Variants in ANO3 observed in about 807,000 individuals in gnomAD.
The protein encoded by ANO3 is anoctamin-3.
A neutral mutation model predicts 144.8 loss-of-function variants in ANO3; 99 were observed. The observed-to-expected ratio is 0.68, with a 90% CI of 0.58 to 0.81. ANO3 has a LOEUF of 0.81. Ranked by LOEUF, ANO3 falls within the 30% of genes least tolerant of loss-of-function variation. The pLI is 0.00. For missense variants in ANO3, 905 were observed against 1,202.2 expected, an observed-to-expected ratio of 0.75 and a Z score of 3.66; for synonymous variants, 414 against 392.6, an observed-to-expected ratio of 1.05 and a Z score of -0.64.
At chr11:26,576,441 G>T (rs868320280) in intron 14 of ANO3, among the ~76,000 whole-genome samples, 1 of 151,918 alleles carries the variant, frequency 6.6e-6, no homozygotes, top group African/African-American at 2.4e-5. Flanking sequence ...ATGTTGAGAG[G>T]AATCTAACTA....
chr11:26,559,597 C>A, intron 13 of ANO3, 122 bp from the exon 14 acceptor site: 1 of 703,058 alleles, frequency 1.4e-6, no homozygotes, highest in Non-Finnish European at 2.5e-6. Context: ...TATAATATTT[C>A]TGTACTATAA....
intron 1 of ANO3, among the ~76,000 whole-genome samples, chr11:26,437,256 CA>C (rs1265609633): frequency 6.6e-6 from 1 of 152,216 alleles, no homozygotes; most frequent in Non-Finnish European, 1.5e-5. Flanking sequence ...GCCTGGGCAT[CA>C]AAAGTTCCTG....
At chr11:26,357,034 T>G (rs1855801894) in intron 1 of ANO3, among the ~76,000 whole-genome samples, 1 of 152,218 alleles carries the variant, frequency 6.6e-6, no homozygotes, top group Non-Finnish European at 1.5e-5. Context: ...CCTTTTGCTA[T>G]ATAAGGTTAA....
intron 18 of ANO3, among the ~76,000 whole-genome samples, chr11:26,624,978 G>A (rs1031245622): frequency 6.6e-6 from 1 of 151,680 alleles, no homozygotes; most frequent in African/African-American, 2.4e-5. Context: ...GTGGAGTGCG[G>A]TGGTGACGCG....
intron 1 of ANO3, among the ~76,000 whole-genome samples, chr11:26,423,192 T>C (rs762648325): frequency 6.6e-6 from 1 of 151,704 alleles, no homozygotes; most frequent in Non-Finnish European, 1.5e-5. Context: ...AATAGAAACA[T>C]AGAAGAAGGA....
At chr11:26,536,318 CAAA>C (rs776107828) in intron 9 of ANO3, among the ~76,000 whole-genome samples, 1 of 92,876 alleles carries the variant, frequency 1.1e-5, no homozygotes, top group Non-Finnish European at 2.2e-5. Context: ...GACTCTGTCT[CAAA>C]AAAAAAAAAA....
intron 14 of ANO3, among the ~76,000 whole-genome samples, chr11:26,591,627 C>T (rs1352286327): frequency 6.6e-6 from 1 of 152,052 alleles, no homozygotes; most frequent in East Asian, 1.9e-4. Flanking sequence ...CATAGAACCT[C>T]TTGGTAAGAG....
chr11:26,326,984 G>A (rs528359731), intron 1 of ANO3, among the ~76,000 whole-genome samples: 1 of 152,330 alleles, frequency 6.6e-6, no homozygotes, highest in Admixed American at 6.5e-5. Flanking sequence ...AGTACAGCAA[G>A]ATGAGTCTTT....
At position 26,490,259 on chromosome 11, in the gene ANO3, C is replaced by G. The variant is rs12290812; in HGVS notation, c.433-17845C>G. On this transcript the variant is annotated intron_variant, in intron 4 of 26. Coordinates refer to ENST00000256737, the MANE Select transcript of ANO3 (RefSeq NM_031418.4). ...TTGTTTTTCTGTTGCTACTGCCATG[C>G]CTTTTGCCTCCTGCCATGATTCTGA... Among the ~76,000 whole-genome samples, 705 of 152,240 alleles carry G rather than the reference C, an allele frequency of 4.6e-3. 3 individuals carry two copies. Among genetic ancestry groups the G allele is most frequent in the African/African-American group, 0.016 (665 of 41,556 alleles).
intron 1 of ANO3, 149 bp from the exon 2 acceptor site, chr11:26,441,769 A>G (rs1231554931): frequency 6.2e-5 from 35 of 563,958 alleles, no homozygotes; most frequent in Non-Finnish European, 7.6e-5. Context: ...TTGACAAAAC[A>G]TAAACAAGAC....
intron 1 of ANO3, among the ~76,000 whole-genome samples, chr11:26,387,736 A>C (rs1386969821): frequency 6.6e-6 from 1 of 151,842 alleles, no homozygotes; most frequent in Admixed American, 6.6e-5. Context: ...ATTTTGGTGG[A>C]TGTGATCTGT....
At chr11:26,203,691 G>C (rs1851741162) in intron 1 of ANO3, among the ~76,000 whole-genome samples, 1 of 152,088 alleles carries the variant, frequency 6.6e-6, no homozygotes, top group South Asian at 2.1e-4. Context: ...TCATTCACAT[G>C]TGAGTTTTAT....
chr11:26,403,894 A>G (rs896646248), intron 1 of ANO3, among the ~76,000 whole-genome samples: 5 of 151,864 alleles, frequency 3.3e-5, no homozygotes, highest in South Asian at 2.1e-4. Context: ...CATTTCCCAG[A>G]TATTTGTGTG....
Position 26,273,671 on chromosome 11 carries a change from C to T in ANO3, c.155-35974C>T, listed in dbSNP as rs192579191. ...ACACACACACACACACACACACACACACAAATTCTGTCGGGGGAAGGTAAA... is the reference window on the plus strand; with the variant it reads ...ACACACACACACACACACACACACATACAAATTCTGTCGGGGGAAGGTAAA... On this transcript the variant is annotated intron_variant, in intron 1 of 27. Transcript: ENST00000672621. 4.0e-3 allele frequency among the ~76,000 whole-genome samples: 580 copies of T among 144,548 alleles called. 2 individuals are homozygous for T. Among genetic ancestry groups the T allele is most frequent in the African/African-American group, 0.014 (549 of 39,314 alleles). The allele number at this position is 144,548 out of a possible 152,430, so 94.8% of individuals were successfully genotyped here.
intron 1 of ANO3, among the ~76,000 whole-genome samples, chr11:26,354,845 T>G (rs1855737493): frequency 6.6e-6 from 1 of 152,098 alleles, no homozygotes; most frequent in African/African-American, 2.4e-5. Flanking sequence ...TCAGGTGGTA[T>G]CCTAAGATTG....
At chr11:26,424,655 G>A (rs1435305769) in intron 1 of ANO3, among the ~76,000 whole-genome samples, 2 of 152,162 alleles carry the variant, frequency 1.3e-5, no homozygotes, top group Non-Finnish European at 1.5e-5. Flanking sequence ...GAAATAGAAA[G>A]CTGATCACTT....
chr11:26,267,202 A>ACC (rs1489040968), intron 1 of ANO3, among the ~76,000 whole-genome samples: 3 of 151,508 alleles, frequency 2.0e-5, no homozygotes, highest in East Asian at 1.9e-4. Flanking sequence ...ACACACACAC[A>ACC]CCCCCAAAAT....
chr11:26,377,813 A>T (rs1329605933), intron 1 of ANO3, among the ~76,000 whole-genome samples: 1 of 152,174 alleles, frequency 6.6e-6, no homozygotes, highest in African/African-American at 2.4e-5. Context: ...AACAGTAATT[A>T]GACAGCTGAC....
intron 1 of ANO3, among the ~76,000 whole-genome samples, chr11:26,264,709 C>T (rs567194376): frequency 1.3e-5 from 2 of 152,116 alleles, no homozygotes; most frequent in Non-Finnish European, 2.9e-5. Flanking sequence ...TGAGGCCTTT[C>T]TCTTTAGCTT....
Sources: allele counts gnomAD v4.1 joint callset (sites outside exome capture counted in the v4.1 genomes callset), GRCh38; gene constraint gnomAD v4.1.1; transcripts MANE v1.5; gene names NCBI Gene and HGNC (gene_info 2026-07-23, HGNC 2026-07-21).